The following DOCK4 variants were observed in gnomAD, a reference collection of about 807,000 sequenced individuals.
The protein encoded by DOCK4 is dedicator of cytokinesis 4.
Under a neutral mutation model 268.1 loss-of-function variants are expected in DOCK4, and 97 were observed. The observed-to-expected ratio is 0.36, with a 90% CI of 0.31 to 0.43. The LOEUF is 0.43. Ranked by LOEUF, DOCK4 falls within the 20% of genes least tolerant of loss-of-function variation. The pLI, the probability that DOCK4 is intolerant of heterozygous loss-of-function variation, is 1.00. For synonymous variants in DOCK4, 954 were observed against 887.2 expected, an observed-to-expected ratio of 1.08 and a Z score of -1.34; for missense variants, 2,145 against 2,455.7, an observed-to-expected ratio of 0.87 and a Z score of 2.67.
At chr7:111,908,862 C>T (rs530713856) in intron 13 of DOCK4, among the ~76,000 whole-genome samples, 31 of 152,280 alleles carry the variant, frequency 2.0e-4, no homozygotes, top group African/African-American at 6.5e-4. Flanking sequence ...GACATGAACT[C>T]ATTCTTCTTT....
chr7:111,779,096 C>G (rs895019304), intron 35 of DOCK4, among the ~76,000 whole-genome samples: 3 of 150,474 alleles, frequency 2.0e-5, no homozygotes, highest in Non-Finnish European at 4.4e-5. Context: ...AAATAAAAAG[C>G]AAAAATCTCT....
intron 1 of DOCK4, among the ~76,000 whole-genome samples, chr7:112,091,804 C>T (rs890542471): frequency 2.6e-5 from 4 of 152,142 alleles, no homozygotes; most frequent in Admixed American, 2.6e-4. Flanking sequence ...ACAACTTACA[C>T]CCATAATCCT....
rs145668916 is a variant in DOCK4, at chr7:112,151,236, C to A, written c.37+54866G>T. Among the ~76,000 whole-genome samples the A allele has an allele frequency of 1.4e-4, 21 of 152,202 alleles. No homozygotes were observed. In the East Asian group the frequency reaches 3.7e-3, roughly 27 times the overall value. On this transcript the variant is annotated intron_variant, in intron 1 of 52. Transcript: ENST00000428084. ...TTGGCATCAGAACGGGAGCTGGTGGCCCACCTTCAGTAGCTACATTAGCCT... is the reference window on the plus strand; with the variant it reads ...TTGGCATCAGAACGGGAGCTGGTGGACCACCTTCAGTAGCTACATTAGCCT...
chr7:111,741,475 G>A (rs1187127234), intron 46 of DOCK4, 65 bp downstream of exon 46: 1 of 1,578,488 alleles, frequency 6.3e-7, no homozygotes, highest in Non-Finnish European at 8.6e-7. Context: ...TAAAGAATGA[G>A]AGAACCATTC....
chr7:111,870,124 T>A (rs1328506702), intron 20 of DOCK4, among the ~76,000 whole-genome samples: 1 of 152,142 alleles, frequency 6.6e-6, no homozygotes, highest in African/African-American at 2.4e-5. Context: ...CCTTATGGAT[T>A]TATCAAGCCA....
intron 36 of DOCK4, among the ~76,000 whole-genome samples, 188 bp from the exon 37 acceptor site, chr7:111,769,865 T>C (rs1378192388): frequency 2.6e-5 from 4 of 152,210 alleles, no homozygotes; most frequent in Non-Finnish European, 5.9e-5. Flanking sequence ...ATGATGGACT[T>C]GGACTAATCA....
At chr7:112,195,641 C>A (rs903237562) in intron 1 of DOCK4, among the ~76,000 whole-genome samples, 1 of 151,822 alleles carries the variant, frequency 6.6e-6, no homozygotes, top group Non-Finnish European at 1.5e-5. Context: ...TGCATCCCCA[C>A]GTTCCCAAAC....
chr7:112,118,566 T>G (rs1211444559), intron 1 of DOCK4, among the ~76,000 whole-genome samples: 1 of 152,190 alleles, frequency 6.6e-6, no homozygotes, highest in East Asian at 1.9e-4. Context: ...AAAAAAGCCT[T>G]CCTTCTGTAC....
intron 12 of DOCK4, among the ~76,000 whole-genome samples, chr7:111,933,312 TTG>T (rs1491326171): frequency 3.9e-4 from 56 of 142,986 alleles, no homozygotes; most frequent in Middle Eastern, 3.6e-3. Context: ...TTTTTTTTTT[TTG>T]AGATGGAGTC....
chr7:112,044,320 C>T (rs1432856514), intron 1 of DOCK4, among the ~76,000 whole-genome samples: 2 of 152,134 alleles, frequency 1.3e-5, no homozygotes, highest in Admixed American at 1.3e-4. Context: ...TAGTAGAAGA[C>T]AAGGAATCAA....
chr7:111,866,767 C>T (rs1346284394), intron 22 of DOCK4, among the ~76,000 whole-genome samples: 1 of 152,212 alleles, frequency 6.6e-6, no homozygotes, highest in Non-Finnish European at 1.5e-5. Context: ...GTGAATTAGG[C>T]AAGTTTCATC....
Position 111,998,502 on chromosome 7 carries a change from C to G in DOCK4, c.164G>C (p.Gly55Ala), listed in dbSNP as rs1229637308. ...GTGAACGTAGCTGGAAGGAAATATA[C>G]CCTGGAAAAGAAAACATGAAGGTTA... Reference protein sequence around the residue: ...GFALKNPNIKGIFPSSYVHLK... With the variant: ...GFALKNPNIKAIFPSSYVHLK... Residue 55 changes from glycine to alanine, a missense_variant and splice_region_variant, in exon 4 of 53, where the codon GGT becomes GCT. Physicochemically the swap from Gly to Ala is moderately conservative, Grantham distance 60. Transcript: ENST00000428084. 1 of 1,584,186 alleles carries G rather than the reference C, an allele frequency of 6.3e-7. No homozygotes were observed. The highest frequency in any genetic ancestry group is 8.6e-7 in the Non-Finnish European group (1 of 1,162,922).
At chr7:111,971,931 T>G (rs1425261333) in intron 8 of DOCK4, 3 of 168,416 alleles carry the variant, frequency 1.8e-5, no homozygotes, top group Non-Finnish European at 3.9e-5. Context: ...ATTTATCACT[T>G]TCTTGGCCTC....
intron 1 of DOCK4, among the ~76,000 whole-genome samples, chr7:112,028,987 A>T (rs75437182): frequency 0.058 from 8,800 of 152,288 alleles, 845 homozygotes; most frequent in African/African-American, 0.2. Context: ...GATACCCAGT[A>T]GTGCTTATCT....
chr7:111,855,114 G>A (rs1036024597), intron 23 of DOCK4, among the ~76,000 whole-genome samples: 36 of 152,180 alleles, frequency 2.4e-4, no homozygotes, highest in African/African-American at 1.7e-4. Context: ...GCAGGTGGAC[G>A]GGGCCACATC....
chr7:111,739,848 A>G (rs1585836430), intron 47 of DOCK4: 1 of 328,640 alleles, frequency 3.0e-6, no homozygotes, highest in East Asian at 8.3e-5. Context: ...AGTATGTTCA[A>G]AGCATGAATT....
chr7:111,953,208 T>TAAA (rs11419651), intron 8 of DOCK4, among the ~76,000 whole-genome samples: 1 of 145,816 alleles, frequency 6.9e-6, no homozygotes, highest in Admixed American at 6.9e-5. Flanking sequence ...GACCTTGTCT[T>TAAA]AAAAAAAAAA....
chr7:112,002,359 C>G (rs1800494768), intron 2 of DOCK4, among the ~76,000 whole-genome samples: 1 of 152,176 alleles, frequency 6.6e-6, no homozygotes, highest in Non-Finnish European at 1.5e-5. Context: ...TCCAATTATA[C>G]TATACAGAAA....
chr7:111,869,481 C>A, intron 21 of DOCK4, 93 bp downstream of exon 21: 2 of 1,037,168 alleles, frequency 1.9e-6, no homozygotes, highest in African/African-American at 1.6e-5. Context: ...TACATCATCA[C>A]CCATTACTGT....
Sources: gnomAD v4.1 joint callset for allele counts (sites outside exome capture counted in the v4.1 genomes callset) on GRCh38, gnomAD v4.1.1 for gene constraint, MANE v1.5 for transcripts, NCBI Gene and HGNC (gene_info 2026-07-23, HGNC 2026-07-21) for gene names.